Variants in LCP1 observed in about 807,000 individuals in gnomAD.
LCP1 encodes lymphocyte cytosolic protein 1, also known as plastin-2.
Under a neutral mutation model 72.0 loss-of-function variants are expected in LCP1, and 23 were observed. The observed-to-expected ratio is 0.32, with a 90% CI of 0.23 to 0.45. The LOEUF is 0.45. Among genes scored for constraint, LCP1 ranks in the 20% least tolerant of loss-of-function variants. The probability of loss-of-function intolerance (pLI) is 1.00; values close to 1 mark genes in which losing one functional copy is unlikely to be tolerated. For synonymous variants in LCP1, 245 were observed against 275.4 expected (o/e 0.89, Z 1.09); for missense variants, 571 against 748.3 (o/e 0.76, Z 2.76).
intron 5 of LCP1, among the ~76,000 whole-genome samples, chr13:46,155,788 C>G (rs2045797730): frequency 6.6e-6 from 1 of 152,170 alleles, no homozygotes. Context: ...TTCCAGGTGT[C>G]CTCAATGTTT....
rs910548266 is a variant in LCP1 at position 46,163,607 on chromosome 13, G to C, written c.-24-3921C>G. Among the ~76,000 whole-genome samples the C allele has an allele frequency of 3.4e-5, 5 of 145,722 alleles. No individual in the cohort carries two copies. The Admixed American group carries it at 3.5e-4, about 10-fold the overall frequency. On this transcript the variant is annotated intron_variant, in intron 1 of 15. Coordinates refer to ENST00000323076, the MANE Select transcript of LCP1 (RefSeq NM_002298.5). The stretch of plus-strand genomic sequence containing the variant: ...CTGTGACCCTGCCAAATCCCCCTCT[G>C]CGAGAAACACCCAAGAATGATCAAT...
intron 13 of LCP1, among the ~76,000 whole-genome samples, chr13:46,138,642 A>T (rs2045679408): frequency 1.3e-5 from 2 of 151,946 alleles, no homozygotes; most frequent in African/African-American, 4.8e-5. Context: ...GGTTGACCTG[A>T]GTTTGTTTGT....
intron 1 of LCP1, among the ~76,000 whole-genome samples, chr13:46,175,534 G>A (rs9316194): frequency 0.8 from 121,317 of 152,074 alleles, 48,624 homozygotes; most frequent in East Asian, 0.98. Context: ...TGGAGATATG[G>A]TACTGGAGGA....
At chr13:46,134,446 A>G (rs372481509) in intron 13 of LCP1, among the ~76,000 whole-genome samples, 196 bp from the exon 14 acceptor site, 1 of 152,240 alleles carries the variant, frequency 6.6e-6, no homozygotes, top group Non-Finnish European at 1.5e-5. Context: ...CTTTATGGCT[A>G]GTATAATGAA....
At chr13:46,145,737 G>T (rs2045725832) in intron 10 of LCP1, among the ~76,000 whole-genome samples, 1 of 119,848 alleles carries the variant, frequency 8.3e-6, no homozygotes, top group Non-Finnish European at 1.7e-5. Context: ...GTGAAACCCC[G>T]TCTCTACTAA....
chr13:46,144,737 GT>G (rs761220830), intron 10 of LCP1, among the ~76,000 whole-genome samples: 2 of 152,180 alleles, frequency 1.3e-5, no homozygotes, highest in Non-Finnish European at 2.9e-5. Context: ...TATTAATAGT[GT>G]GTGGAATCCT....
chr13:46,162,456 G>C (rs9595424), intron 1 of LCP1, among the ~76,000 whole-genome samples: 133,178 of 151,826 alleles, frequency 0.88, 58,675 homozygotes, highest in East Asian at 0.99. Flanking sequence ...CGCGCCTCCA[G>C]GCCTGACTCG....
At chr13:46,141,049 T>A (rs1400420479) in intron 13 of LCP1, among the ~76,000 whole-genome samples, 1 of 152,162 alleles carries the variant, frequency 6.6e-6, no homozygotes, top group Non-Finnish European at 1.5e-5. Context: ...AAAGTTAAGT[T>A]TTCCAAATTT....
intron 5 of LCP1, 131 bp downstream of exon 5, chr13:46,156,307 T>A (rs757266344): frequency 4.1e-5 from 41 of 992,798 alleles, no homozygotes; most frequent in Admixed American, 1.2e-4. Flanking sequence ...CCTGGCCAAG[T>A]GAAAGTCCAG....
chr13:46,143,981 G>T lies in LCP1; in HGVS notation c.1253+461C>A, dbSNP rs190232066. Among the ~76,000 whole-genome samples the T allele has an allele frequency of 8.6e-3, 1,303 of 152,192 alleles. 13 individuals are homozygous for T. Among genetic ancestry groups the T allele is most frequent in the Admixed American group, 0.032 (489 of 15,282 alleles). On this transcript the variant is annotated intron_variant, in intron 11 of 15. Transcript: ENST00000323076. Reference sequence around the variant, plus strand: ...CTTGGGAGGCTGAGGCAGGAGAATGGCGTGAACCCGGGAGGCAGAGCTTGC... The same window carrying T: ...CTTGGGAGGCTGAGGCAGGAGAATGTCGTGAACCCGGGAGGCAGAGCTTGC...
At chr13:46,180,630 T>C (rs576754151) in intron 1 of LCP1, among the ~76,000 whole-genome samples, 2 of 152,256 alleles carry the variant, frequency 1.3e-5, no homozygotes, top group South Asian at 4.1e-4. Context: ...TTCCTGGGGG[T>C]GAGCTAGAAT....
At chr13:46,136,104 C>T (rs2045663557) in intron 13 of LCP1, among the ~76,000 whole-genome samples, 1 of 143,220 alleles carries the variant, frequency 7.0e-6, no homozygotes, top group Non-Finnish European at 1.5e-5. Flanking sequence ...CACACACACA[C>T]ACACACACAA....
intron 1 of LCP1, among the ~76,000 whole-genome samples, chr13:46,162,517 G>T (rs1303387173): frequency 6.6e-6 from 1 of 152,034 alleles, no homozygotes; most frequent in Non-Finnish European, 1.5e-5. Context: ...GGCCGGGCTG[G>T]TCTCCAGCTC....
At chr13:46,172,400 C>A (rs1234369558) in intron 1 of LCP1, among the ~76,000 whole-genome samples, 1 of 151,938 alleles carries the variant, frequency 6.6e-6, no homozygotes, top group African/African-American at 2.4e-5. Context: ...AGGAGAATCA[C>A]TTGAACCCGG....
chr13:46,149,550 C>T (rs181712995), intron 8 of LCP1, among the ~76,000 whole-genome samples: 2 of 152,282 alleles, frequency 1.3e-5, no homozygotes, highest in Admixed American at 1.3e-4. Context: ...GTGTTCTCCT[C>T]GCCTTTGCCA....
In LCP1 at chr13:46,134,842, G is replaced by A. The variant is rs554130956; in HGVS notation, c.1503-592C>T. ...TAAAATTCTATAGACTAGGCCAGGC[G>A]CCAGTAATCCCGGCACTTTAGGAGG... is the stretch of plus-strand genomic sequence containing the variant. On this transcript the variant is annotated intron_variant, in intron 13 of 15. Transcript: ENST00000323076. Among the ~76,000 whole-genome samples, 42 of 152,104 alleles carry A rather than the reference G, an allele frequency of 2.8e-4. No individual in the cohort carries two copies. In the South Asian group the frequency reaches 8.5e-3, roughly 31 times the overall value.
chr13:46,145,857 C>T (rs1008020544), intron 10 of LCP1, among the ~76,000 whole-genome samples: 2 of 66,852 alleles, frequency 3.0e-5, no homozygotes, highest in Non-Finnish European at 5.4e-5. Flanking sequence ...TGCAGTGAGC[C>T]GAGATCCCGC....
intron 1 of LCP1, among the ~76,000 whole-genome samples, chr13:46,175,268 T>A (rs1184918619): frequency 6.6e-6 from 1 of 152,188 alleles, no homozygotes; most frequent in Non-Finnish European, 1.5e-5. Context: ...GCTCCATATC[T>A]ACCTAGACGA....
At chr13:46,177,729 T>G (rs908915245) in intron 1 of LCP1, among the ~76,000 whole-genome samples, 12 of 151,630 alleles carry the variant, frequency 7.9e-5, no homozygotes, top group African/African-American at 2.7e-4. Flanking sequence ...AACAAAAGAC[T>G]AAGAACCTTT....
Sources: gnomAD v4.1 joint callset for allele counts (sites outside exome capture counted in the v4.1 genomes callset) on GRCh38, gnomAD v4.1.1 for gene constraint, MANE v1.5 for transcripts, NCBI Gene and HGNC (gene_info 2026-07-23, HGNC 2026-07-21) for gene names.